RBMS3: variants seen among roughly 807,000 people sequenced by gnomAD.
RBMS3 encodes RNA binding motif single stranded interacting protein 3, also known as RNA-binding motif, single-stranded-interacting protein 3.
Under a neutral mutation model 66.8 loss-of-function variants are expected in RBMS3, and 27 were observed. The ratio of observed to expected loss-of-function variants is 0.40; its 90% CI spans 0.30 to 0.56. The LOEUF (loss-of-function observed/expected upper bound fraction) is 0.56. Ranked by LOEUF, RBMS3 falls within the 20% of genes least tolerant of loss-of-function variation. The probability of loss-of-function intolerance (pLI) is 0.40; values close to 1 mark genes in which losing one functional copy is unlikely to be tolerated. For synonymous variants in RBMS3, 188 were observed against 183.0 expected (o/e 1.03, Z -0.22); for missense variants, 513 against 549.5 (o/e 0.93, Z 0.66).
intron 1 of RBMS3, among the ~76,000 whole-genome samples, chr3:29,428,896 C>G (rs2041070253): frequency 6.6e-6 from 1 of 152,186 alleles, no homozygotes; most frequent in Admixed American, 6.5e-5. Flanking sequence ...CATTTAAATT[C>G]TGATAGAGAA....
At chr3:29,474,132 A>T (rs970452116) in intron 2 of RBMS3, among the ~76,000 whole-genome samples, 1 of 152,264 alleles carries the variant, frequency 6.6e-6, no homozygotes, top group Non-Finnish European at 1.5e-5. Flanking sequence ...TGCCAAGGAT[A>T]ACCACGATCC....
At chr3:29,808,840 G>GA (rs2057639655) in intron 6 of RBMS3, among the ~76,000 whole-genome samples, 1 of 151,784 alleles carries the variant, frequency 6.6e-6, no homozygotes, top group Non-Finnish European at 1.5e-5. Context: ...ACCATGGCTT[G>GA]AAAAGAATTA....
intron 4 of RBMS3, among the ~76,000 whole-genome samples, chr3:29,715,915 C>G (rs772798653): frequency 1.3e-4 from 20 of 152,068 alleles, no homozygotes; most frequent in Non-Finnish European, 2.5e-4. Flanking sequence ...GTCTGATTAG[C>G]CTTTGATGCC....
chr3:29,553,056 T>C lies in RBMS3; in HGVS notation c.308-34058T>C, dbSNP rs556748080. On this transcript the variant is annotated intron_variant, in intron 3 of 14. Coordinates refer to ENST00000383767, the MANE Select transcript of RBMS3 (RefSeq NM_001003793.3). ...AATAGTATCAGCCTCATAGGCAGTT[T>C]TGAGCATTAAGTACGTTCATATCTG... is the stretch of plus-strand genomic sequence containing the variant. Among the ~76,000 whole-genome samples, 5 of 152,324 alleles carry C rather than the reference T, an allele frequency of 3.3e-5. No homozygotes were observed. In the South Asian group the frequency reaches 1.0e-3, roughly 32 times the overall value.
At chr3:29,551,119 G>A (rs1015979814) in intron 3 of RBMS3, among the ~76,000 whole-genome samples, 8 of 152,314 alleles carry the variant, frequency 5.3e-5, no homozygotes, top group African/African-American at 1.9e-4. Flanking sequence ...TTTAAGCCTT[G>A]ATGGGCAGGT....
At chr3:29,483,004 C>A (rs2125822622) in intron 2 of RBMS3, among the ~76,000 whole-genome samples, 1 of 151,870 alleles carries the variant, frequency 6.6e-6, no homozygotes, top group Admixed American at 6.6e-5. Context: ...CCGCCCCCAG[C>A]CTACCATTTT....
chr3:29,336,599 A>C (rs6773182), intron 1 of RBMS3, among the ~76,000 whole-genome samples: 50,281 of 152,036 alleles, frequency 0.33, 9,491 homozygotes, highest in Non-Finnish European at 0.43. Context: ...ATCACTTCCT[A>C]TAATTTATTA....
chr3:29,977,384 G>A (rs1697662547), intron 12 of RBMS3, among the ~76,000 whole-genome samples: 1 of 152,098 alleles, frequency 6.6e-6, no homozygotes, highest in Non-Finnish European at 1.5e-5. Flanking sequence ...TTTAGTGGAG[G>A]AAAAGAGTGT....
intron 4 of RBMS3, among the ~76,000 whole-genome samples, chr3:29,622,139 C>G (rs903291268): frequency 6.6e-6 from 1 of 152,128 alleles, no homozygotes. Context: ...ATTCCTCCTA[C>G]AAATATTTAT....
At chr3:29,705,417 C>G (rs921984525) in intron 4 of RBMS3, among the ~76,000 whole-genome samples, 8 of 152,142 alleles carry the variant, frequency 5.3e-5, no homozygotes, top group Non-Finnish European at 1.0e-4. Flanking sequence ...AGAAACTGAT[C>G]CTTTTCTTTG....
At chr3:29,772,729 A>T (rs1311739431) in intron 6 of RBMS3, among the ~76,000 whole-genome samples, 1 of 152,026 alleles carries the variant, frequency 6.6e-6, no homozygotes. Flanking sequence ...CGTCACCTAG[A>T]AGAAAGTTCA....
At chr3:29,880,227 A>T (rs1225546509) in intron 7 of RBMS3, among the ~76,000 whole-genome samples, 1 of 152,190 alleles carries the variant, frequency 6.6e-6, no homozygotes, top group Non-Finnish European at 1.5e-5. Context: ...AAATGACAAA[A>T]ATACCCCACT....
intron 14 of RBMS3, among the ~76,000 whole-genome samples, chr3:29,993,147 G>A (rs748986694): frequency 6.7e-5 from 10 of 149,260 alleles, no homozygotes; most frequent in Non-Finnish European, 1.3e-4. Flanking sequence ...TATTATGATT[G>A]CCATTATTAA....
chr3:29,525,599 T>C lies in RBMS3; in HGVS notation c.307+37100T>C, dbSNP rs532281014. Among the ~76,000 whole-genome samples the C allele has an allele frequency of 3.3e-5, 5 of 152,316 alleles. No homozygotes were observed. In the East Asian group the frequency reaches 9.6e-4, roughly 29 times the overall value. On this transcript the variant is annotated intron_variant, in intron 3 of 14. Coordinates refer to ENST00000383767, the MANE Select transcript of RBMS3 (RefSeq NM_001003793.3). ...GGGTTTCCTTGAGTCCAAAGGTCAA[T>C]AGGAACACAGAAAAGCTCAGTGTAT... is the stretch of plus-strand genomic sequence containing the variant.
At chr3:29,476,123 G>A (rs1478071918) in intron 2 of RBMS3, among the ~76,000 whole-genome samples, 1 of 152,168 alleles carries the variant, frequency 6.6e-6, no homozygotes, top group African/African-American at 2.4e-5. Flanking sequence ...AGGCAAACAA[G>A]TGAACCAGAA....
chr3:29,783,565 C>G (rs1256286373), intron 6 of RBMS3, among the ~76,000 whole-genome samples: 2 of 151,944 alleles, frequency 1.3e-5, no homozygotes, highest in African/African-American at 4.8e-5. Context: ...TTGAAATAAA[C>G]CCCTCAAAAA....
intron 1 of RBMS3, among the ~76,000 whole-genome samples, chr3:29,387,071 G>T (rs1180057144): frequency 2.0e-5 from 3 of 151,906 alleles, no homozygotes; most frequent in Non-Finnish European, 4.4e-5. Context: ...CAATTCTAGG[G>T]GATTCTGGCG....
intron 1 of RBMS3, among the ~76,000 whole-genome samples, chr3:29,401,135 A>G (rs1559550387): frequency 6.6e-6 from 1 of 152,060 alleles, no homozygotes; most frequent in African/African-American, 2.4e-5. Flanking sequence ...AAAATTCAAT[A>G]TCGATTGAGG....
chr3:29,989,918 A>G (rs1174276335), intron 13 of RBMS3, among the ~76,000 whole-genome samples: 5 of 152,208 alleles, frequency 3.3e-5, no homozygotes, highest in Admixed American at 2.6e-4. Flanking sequence ...TACACCAAAG[A>G]CAAATACTTA....
Sources: allele counts gnomAD v4.1 joint callset (sites outside exome capture counted in the v4.1 genomes callset), GRCh38; gene constraint gnomAD v4.1.1; transcripts MANE v1.5; gene names NCBI Gene and HGNC (gene_info 2026-07-23, HGNC 2026-07-21).